RIN2: variants seen among roughly 807,000 people sequenced by gnomAD.
RIN2 encodes RAB5 interacting protein 2.
RIN2 carries 36 observed loss-of-function variants against 78.0 expected under a neutral mutation model. The observed-to-expected ratio is 0.46, with a 90% CI of 0.35 to 0.61. The LOEUF (loss-of-function observed/expected upper bound fraction) is 0.61. RIN2 is among the 20% of genes least tolerant of loss of function. The pLI is 0.00. For synonymous variants in RIN2, 466 were observed against 466.8 expected, an observed-to-expected ratio of 1.00 and a Z score of 0.02; for missense variants, 1,087 against 1,159.7, an observed-to-expected ratio of 0.94 and a Z score of 0.91.
Position 19,956,680 on chromosome 20 carries a change from C to T in RIN2, c.224C>T (p.Ser75Leu). ...EEDVKTCARDSGYDSLSNRLS... is the reference protein window; with the variant it reads ...EEDVKTCARDLGYDSLSNRLS... ...GACGTGAAGACCTGTGCCCGGGACT[C>T]AGGCTATGACAGCCTCTCCAACAGG... Residue 75 changes from serine (S) to leucine (L), a missense_variant, in exon 5 of 13, where the codon TCA (serine) becomes TTA (leucine). Physicochemically the swap from Ser to Leu is moderately radical, Grantham distance 145 (BLOSUM62 -2). This residue lies in a region of RIN2 where 706 missense variants were observed against 667.5 expected (regional missense o/e 1.06). Transcript: ENST00000255006. The T allele has an allele frequency of 1.2e-6, 2 of 1,612,846 alleles. No homozygotes were observed. Among genetic ancestry groups the T allele is most frequent in the Non-Finnish European group, 8.5e-7 (1 of 1,179,488 alleles).
intron 2 of RIN2, chr20:19,823,795 A>T: frequency 6.2e-7 from 1 of 1,601,066 alleles, no homozygotes; most frequent in Non-Finnish European, 8.5e-7. Flanking sequence ...CCAGTCACCC[A>T]TTGCCTTGGC....
Position 19,975,331 on chromosome 20 carries a change from A to G in RIN2, c.1306A>G (p.Thr436Ala), listed in dbSNP as rs1247080741. Reference protein sequence around the residue: ...RQRLSDMSISTSSSDSLEFDR... With the variant: ...RQRLSDMSISASSSDSLEFDR... Reference sequence around the variant, plus strand: ...GCGGCTGAGCGACATGAGCATTTCTACTTCCTCCTCCGACTCGCTGGAGTT... The same window carrying G: ...GCGGCTGAGCGACATGAGCATTTCTGCTTCCTCCTCCGACTCGCTGGAGTT... Residue 436 changes from threonine (T) to alanine (A), a missense_variant, in exon 9 of 13, where the codon ACT becomes GCT. Thr to Ala is a moderately conservative substitution (Grantham distance 58). Around this residue, in one of 8 missense-constraint regions of RIN2, gnomAD observed 706 missense variants for 667.5 expected, o/e 1.06. Transcript: ENST00000255006. The surrounding 1 kb of genome is among the most constrained non-coding windows in gnomAD (Gnocchi z 4.9). 6.2e-7 allele frequency: 1 copy of G among 1,611,622 alleles called. No individual in the cohort carries two copies. The highest frequency in any genetic ancestry group is 1.7e-5 in the Admixed American group (1 of 59,628).
At chr20:19,914,661 C>G (rs1362983820) in intron 3 of RIN2, among the ~76,000 whole-genome samples, 4 of 152,300 alleles carry the variant, frequency 2.6e-5, no homozygotes, top group Admixed American at 2.6e-4. Flanking sequence ...GGCTCTCACA[C>G]TCCAGTGGAA....
intron 10 of RIN2, among the ~76,000 whole-genome samples, chr20:19,991,876 G>A (rs1434563409): frequency 2.6e-5 from 4 of 152,160 alleles, no homozygotes; most frequent in Non-Finnish European, 4.4e-5. Flanking sequence ...ATATTTTAAC[G>A]AGTATTCTGT....
chr20:19,844,661 TTCTTCTTCCTTCTTCTTCTTCTTCC>T (rs2036706858), intron 2 of RIN2, among the ~76,000 whole-genome samples: 2 of 136,080 alleles, frequency 1.5e-5, no homozygotes, highest in African/African-American at 3.0e-5. Flanking sequence ...CTTCTTCTTC[TTCTTCTTCCTTCTTCTTCTTCTTCC>T]TCTTCCTCTT....
At chr20:19,981,826 A>G (rs1455378102) in intron 9 of RIN2, among the ~76,000 whole-genome samples, 1 of 152,096 alleles carries the variant, frequency 6.6e-6, no homozygotes, top group African/African-American at 2.4e-5. Context: ...CATGGCCAAC[A>G]ATACTTAAAA....
intron 2 of RIN2, among the ~76,000 whole-genome samples, chr20:19,811,416 C>T (rs758406626): frequency 1.2e-4 from 19 of 152,116 alleles, no homozygotes; most frequent in Non-Finnish European, 2.5e-4. Flanking sequence ...CTTCCTGGCA[C>T]TTCTGGCCAC....
At chr20:19,847,527 A>G (rs2036824563) in intron 2 of RIN2, among the ~76,000 whole-genome samples, 2 of 152,212 alleles carry the variant, frequency 1.3e-5, no homozygotes, top group Admixed American at 1.3e-4. Flanking sequence ...CCGGAGACCC[A>G]GAGGGGGTTC....
At chr20:19,932,449 T>G (rs1047183042) in intron 3 of RIN2, among the ~76,000 whole-genome samples, 1 of 152,180 alleles carries the variant, frequency 6.6e-6, no homozygotes, top group African/African-American at 2.4e-5. Flanking sequence ...CCTAGAGTAT[T>G]TGGCATTGTC....
chr20:19,810,683 C>CTTTTT (rs535994979), intron 2 of RIN2, among the ~76,000 whole-genome samples: 3 of 99,628 alleles, frequency 3.0e-5, no homozygotes, highest in African/African-American at 8.2e-5. Context: ...TTATAAGGTA[C>CTTTTT]TTTTTTTTTT....
At chr20:19,802,145 A>G (rs1048088322) in intron 2 of RIN2, among the ~76,000 whole-genome samples, 1 of 152,188 alleles carries the variant, frequency 6.6e-6, no homozygotes, top group Non-Finnish European at 1.5e-5. Context: ...ACAGCCCTAT[A>G]CAGGTGGGAT....
intron 5 of RIN2, 41 bp downstream of exon 5, chr20:19,956,848 G>T: frequency 2.7e-6 from 4 of 1,458,456 alleles, no homozygotes; most frequent in Non-Finnish European, 3.6e-6. Context: ...AAGCAGGCAG[G>T]ACTGCTGCCG....
At chr20:19,986,834 AGT>A (rs1221444098) in intron 9 of RIN2, among the ~76,000 whole-genome samples, 2 of 152,362 alleles carry the variant, frequency 1.3e-5, no homozygotes, top group Non-Finnish European at 2.9e-5. Flanking sequence ...ACATCCATAA[AGT>A]GTGTAAATCT....
At chr20:19,792,911 G>A (rs1488084182) in intron 1 of RIN2, among the ~76,000 whole-genome samples, 1 of 151,862 alleles carries the variant, frequency 6.6e-6, no homozygotes, top group Non-Finnish European at 1.5e-5. Flanking sequence ...TGGCTGCGGA[G>A]GGCAAGGTAT....
intron 2 of RIN2, among the ~76,000 whole-genome samples, chr20:19,844,054 T>C (rs1157666377): frequency 2.0e-5 from 3 of 152,168 alleles, no homozygotes; most frequent in Non-Finnish European, 4.4e-5. Context: ...TTCAATATGA[T>C]GGTAAATCAT....
chr20:19,975,767 T>A lies in RIN2; in HGVS notation c.1742T>A (p.Leu581Gln), dbSNP rs1486595572. The change falls in exon 9 of 13, where the codon CTG (leucine) becomes CAG (glutamine). Residue 581 changes from leucine to glutamine, a missense_variant. Leu to Gln is a moderately radical substitution (Grantham distance 113). Transcript: ENST00000255006. This position sits in a 1 kb window ranked among gnomAD's most constrained non-coding sequence, Gnocchi z 4.9. ...GAGCTGGACCCCCCCATCGAGTCGC[T>A]GATCCCTGAAGACCAAATAGGTAAG... ...SSELDPPIES[L>Q]IPEDQIDVVL... 1 of 1,611,172 alleles carries A rather than the reference T, an allele frequency of 6.2e-7. No homozygotes were observed. The highest frequency in any genetic ancestry group is 1.3e-5 in the African/African-American group (1 of 74,870).
chr20:19,907,185 C>T (rs1036311421), intron 3 of RIN2, among the ~76,000 whole-genome samples: 6 of 152,194 alleles, frequency 3.9e-5, no homozygotes, highest in African/African-American at 1.4e-4. Flanking sequence ...CAGGAACCCA[C>T]TCCTGTGATA....
At chr20:19,939,706 G>T (rs975293426) in intron 4 of RIN2, among the ~76,000 whole-genome samples, 1 of 152,092 alleles carries the variant, frequency 6.6e-6, no homozygotes, top group Non-Finnish European at 1.5e-5. Context: ...TGTACTTGCG[G>T]TTCCTTCTGT....
intron 1 of RIN2, among the ~76,000 whole-genome samples, chr20:19,786,383 G>T (rs1291532114): frequency 2.0e-5 from 3 of 152,140 alleles, no homozygotes; most frequent in Non-Finnish European, 4.4e-5. Flanking sequence ...CTAGCCCCGG[G>T]CAAACAGATC....
Sources: gnomAD v4.1 joint callset for allele counts (sites outside exome capture counted in the v4.1 genomes callset) on GRCh38, gnomAD v4.1.1 for gene constraint, gnomAD v4.1.1 regional missense constraint, Gnocchi (gnomAD v3.1) non-coding constraint, MANE v1.5 for transcripts, NCBI Gene and HGNC (gene_info 2026-07-23, HGNC 2026-07-21) for gene names.